Variants in PLEKHA5 observed in about 807,000 individuals in gnomAD.
The protein encoded by PLEKHA5 is pleckstrin homology domain-containing family A member 5.
A neutral mutation model predicts 181.9 loss-of-function variants in PLEKHA5; 55 were observed. The ratio of observed to expected loss-of-function variants is 0.30; its 90% CI spans 0.24 to 0.38. The LOEUF (loss-of-function observed/expected upper bound fraction) is 0.38. Ranked by LOEUF, PLEKHA5 falls within the 10% of genes least tolerant of loss-of-function variation. The pLI is 1.00. For synonymous variants in PLEKHA5, 535 were observed against 529.4 expected (o/e 1.01, Z -0.15); for missense variants, 1,432 against 1,549.5 (o/e 0.92, Z 1.27).
At chr12:19,142,812 C>G (rs2037793448) in intron 3 of PLEKHA5, among the ~76,000 whole-genome samples, 1 of 152,086 alleles carries the variant, frequency 6.6e-6, no homozygotes, top group Admixed American at 6.6e-5. Context: ...ATATTCCCAT[C>G]CCCCCATTTC....
At chr12:19,142,123 G>A (rs1004056057) in intron 3 of PLEKHA5, among the ~76,000 whole-genome samples, 1 of 152,148 alleles carries the variant, frequency 6.6e-6, no homozygotes, top group African/African-American at 2.4e-5. Context: ...ACTTTGGGAG[G>A]CCGAGGCAGG....
At chr12:19,229,595 T>A (rs1466848335) in intron 3 of PLEKHA5, among the ~76,000 whole-genome samples, 1 of 152,144 alleles carries the variant, frequency 6.6e-6, no homozygotes, top group Non-Finnish European at 1.5e-5. Flanking sequence ...GCAGTGAGTG[T>A]TACAGCTCAT....
At chr12:19,305,433 C>T (rs544120089) in intron 15 of PLEKHA5, among the ~76,000 whole-genome samples, 55 of 151,746 alleles carry the variant, frequency 3.6e-4, no homozygotes, top group Admixed American at 2.8e-3. Context: ...GGGTGATGAG[C>T]GCCTGTAATC....
chr12:19,143,661 A>G (rs545212719), intron 3 of PLEKHA5, among the ~76,000 whole-genome samples: 8 of 152,260 alleles, frequency 5.3e-5, no homozygotes, highest in Non-Finnish European at 1.0e-4. Context: ...ACATATGCAT[A>G]TATTATGCAT....
chr12:19,372,743 G>GTCACTT (rs2095614231), intron 31 of PLEKHA5: 1 of 150,914 alleles, frequency 6.6e-6, no homozygotes, highest in African/African-American at 2.4e-5. Context: ...TTTGTCACTT[G>GTCACTT]TGTTTAAGCC....
At chr12:19,230,676 A>G (rs976109046) in intron 3 of PLEKHA5, among the ~76,000 whole-genome samples, 2 of 152,040 alleles carry the variant, frequency 1.3e-5, no homozygotes, top group African/African-American at 4.8e-5. Flanking sequence ...GCCTGTGCCC[A>G]CCTGAAACTT....
chr12:19,356,770 C>T (rs2094954465), intron 26 of PLEKHA5, among the ~76,000 whole-genome samples: 1 of 146,048 alleles, frequency 6.8e-6, no homozygotes, highest in South Asian at 2.2e-4. Context: ...AAATGATTCT[C>T]CTGCCTCGGC....
At chr12:19,365,675 C>T (rs1448878753) in intron 29 of PLEKHA5, among the ~76,000 whole-genome samples, 1 of 152,070 alleles carries the variant, frequency 6.6e-6, no homozygotes, top group Non-Finnish European at 1.5e-5. Context: ...TTCTGAAGTA[C>T]TTACAAATTA....
chr12:19,359,689 C>G, intron 28 of PLEKHA5, 143 bp downstream of exon 28: 1 of 790,952 alleles, frequency 1.3e-6, no homozygotes, highest in East Asian at 2.7e-5. Flanking sequence ...TCTGGCCGGG[C>G]GCGGTGGCTC....
intron 15 of PLEKHA5, among the ~76,000 whole-genome samples, chr12:19,302,896 T>C (rs1310680306): frequency 6.7e-6 from 1 of 150,204 alleles, no homozygotes; most frequent in East Asian, 1.9e-4. Flanking sequence ...ACAGCACTGT[T>C]CTGTATGAAA....
intron 10 of PLEKHA5, 82 bp from the exon 11 acceptor site, chr12:19,274,434 A>G (rs1267039221): frequency 2.1e-6 from 2 of 969,130 alleles, no homozygotes; most frequent in Non-Finnish European, 1.5e-6. Context: ...CCCGTAAAGT[A>G]TAATTTTTCC....
At chr12:19,144,199 G>C (rs942170391) in intron 3 of PLEKHA5, among the ~76,000 whole-genome samples, 10 of 152,178 alleles carry the variant, frequency 6.6e-5, no homozygotes, top group Non-Finnish European at 1.5e-4. Context: ...TTGAAACACA[G>C]ATTAGTCCTT....
At chr12:19,229,874 A>T (rs965109808) in intron 3 of PLEKHA5, among the ~76,000 whole-genome samples, 1 of 152,004 alleles carries the variant, frequency 6.6e-6, no homozygotes, top group African/African-American at 2.4e-5. Context: ...TAGACACAAA[A>T]GTTCTCTAAG....
intron 20 of PLEKHA5, among the ~76,000 whole-genome samples, chr12:19,334,829 A>AAATAT: frequency 2.7e-4 from 5 of 18,602 alleles, no homozygotes; most frequent in African/African-American, 4.9e-4. Flanking sequence ...AAAAAAAAAA[A>AAATAT]ATATATATAT....
At chr12:19,340,756 A>G (rs1427093151) in intron 21 of PLEKHA5, among the ~76,000 whole-genome samples, 4 of 148,102 alleles carry the variant, frequency 2.7e-5, no homozygotes, top group Non-Finnish European at 4.5e-5. Context: ...TGAAGGCAGC[A>G]TGCTCGTTAA....
At chr12:19,188,609 C>T (rs1010854197) in intron 3 of PLEKHA5, among the ~76,000 whole-genome samples, 1 of 152,108 alleles carries the variant, frequency 6.6e-6, no homozygotes. Flanking sequence ...AATATTTCAA[C>T]GGAATAACTG....
chr12:19,362,218 G>A (rs190545279), intron 29 of PLEKHA5, among the ~76,000 whole-genome samples: 2 of 149,282 alleles, frequency 1.3e-5, no homozygotes, highest in Non-Finnish European at 3.0e-5. Flanking sequence ...CTATCTGACA[G>A]GTGTGTTGTA....
At chr12:19,337,271 G>A in intron 21 of PLEKHA5, among the ~76,000 whole-genome samples, 1 of 151,758 alleles carries the variant, frequency 6.6e-6, no homozygotes, top group Non-Finnish European at 1.5e-5. Context: ...AATAATACTT[G>A]GCCGGGCATA....
At chr12:19,133,721 G>C (rs763350410) in intron 3 of PLEKHA5, among the ~76,000 whole-genome samples, 23 of 151,912 alleles carry the variant, frequency 1.5e-4, no homozygotes, top group Non-Finnish European at 2.8e-4. Context: ...AGAAGATACA[G>C]GAATGGAATA....
Sources: allele counts gnomAD v4.1 joint callset (sites outside exome capture counted in the v4.1 genomes callset), GRCh38; gene constraint gnomAD v4.1.1; transcripts MANE v1.5; gene names NCBI Gene and HGNC (gene_info 2026-07-23, HGNC 2026-07-21).